Variants in COL24A1 observed in about 807,000 individuals in gnomAD.
COL24A1 encodes collagen type XXIV alpha 1 chain, also known as collagen alpha-1(XXIV) chain.
COL24A1 carries 224 observed loss-of-function variants against 253.9 expected under a neutral mutation model. That is an observed-to-expected ratio of 0.88 (90% CI 0.79 to 0.99). The LOEUF is 0.99. Ranked by LOEUF, COL24A1 falls within the 50% of genes least tolerant of loss-of-function variation. The pLI, the probability that COL24A1 is intolerant of heterozygous loss-of-function variation, is 0.00. For missense variants in COL24A1, 2,131 were observed against 2,068.5 expected (o/e 1.03, Z -0.59); for synonymous variants, 685 against 673.7 (o/e 1.02, Z -0.26).
intron 7 of COL24A1, among the ~76,000 whole-genome samples, chr1:86,074,805 G>A (rs1192177353): frequency 1.3e-5 from 2 of 151,982 alleles, no homozygotes; most frequent in Non-Finnish European, 2.9e-5. Context: ...ATGACTACTG[G>A]GTAAATAACA....
intron 7 of COL24A1, among the ~76,000 whole-genome samples, chr1:86,076,789 T>C (rs1702284843): frequency 6.6e-6 from 1 of 152,216 alleles, no homozygotes; most frequent in Admixed American, 6.5e-5. Context: ...TGGCTAGCCA[T>C]ATGCAGAAAT....
intron 39 of COL24A1, among the ~76,000 whole-genome samples, chr1:85,844,983 A>G (rs536327475): frequency 9.9e-5 from 15 of 152,030 alleles, no homozygotes; most frequent in Non-Finnish European, 8.8e-5. Flanking sequence ...CCTAAATCCA[A>G]TCAATGATAG....
Position 86,110,564 on chromosome 1 carries a change from G to C in COL24A1, c.1599+2003C>G, listed in dbSNP as rs1393174777. ...GCTTGCGGGGAGGTGTGGAGGGAGA[G>C]GCGCAGGCAGGAACTGGGGCTGCGT... On this transcript the variant is annotated intron_variant, in intron 5 of 59. Coordinates refer to ENST00000370571, the MANE Select transcript of COL24A1 (RefSeq NM_152890.7). Among the ~76,000 whole-genome samples the C allele has an allele frequency of 2.0e-5, 3 of 152,044 alleles. No individual in the cohort carries two copies. The East Asian group carries it at 5.9e-4, about 30-fold the overall frequency.
chr1:86,107,237 T>G (rs1244469736), intron 5 of COL24A1, among the ~76,000 whole-genome samples: 2 of 152,198 alleles, frequency 1.3e-5, no homozygotes, highest in Non-Finnish European at 2.9e-5. Context: ...GTTACCTTGG[T>G]TAAGCGCTTA....
chr1:85,759,465 T>G (rs1430881063), intron 55 of COL24A1, among the ~76,000 whole-genome samples: 1 of 152,170 alleles, frequency 6.6e-6, no homozygotes, highest in African/African-American at 2.4e-5. Flanking sequence ...TGTCTTATTG[T>G]CATTTAGATG....
At chr1:85,965,980 T>A (rs1329474794) in intron 22 of COL24A1, among the ~76,000 whole-genome samples, 1 of 152,110 alleles carries the variant, frequency 6.6e-6, no homozygotes, top group East Asian at 1.9e-4. Context: ...CAGACAACTT[T>A]AAGGAGAAAA....
intron 32 of COL24A1, among the ~76,000 whole-genome samples, chr1:85,886,060 A>T (rs897049989): frequency 6.6e-6 from 1 of 151,358 alleles, no homozygotes; most frequent in African/African-American, 2.4e-5. Flanking sequence ...TGTTCCACAC[A>T]CAATAACTTT....
At chr1:86,120,130 C>T (rs970509059) in intron 3 of COL24A1, among the ~76,000 whole-genome samples, 1 of 152,130 alleles carries the variant, frequency 6.6e-6, no homozygotes, top group African/African-American at 2.4e-5. Flanking sequence ...ACACCTTATA[C>T]AAAAATTAAT....
intron 31 of COL24A1, among the ~76,000 whole-genome samples, chr1:85,891,681 A>C (rs72952585): frequency 2.0e-5 from 3 of 152,152 alleles, no homozygotes; most frequent in Non-Finnish European, 2.9e-5. Context: ...CATTATAAGG[A>C]ATCTCTCTGT....
In COL24A1 at chr1:86,125,166, A is replaced by C. The variant is rs759097870; in HGVS notation, c.1170T>G (p.Phe390Leu). ...GTGGAAGAATAGATGGCATCTTCTT[A>C]AACAGTGACAGACCAGTTACTCTAT... is the stretch of plus-strand genomic sequence containing the variant. ...HDDRVTGLSL[F>L]KKMPSILPQI... Residue 390 changes from phenylalanine to leucine, a missense_variant, in exon 3 of 60, where the codon TTT (phenylalanine) becomes TTG (leucine). Physicochemically the swap from Phe to Leu is conservative, Grantham distance 22. Coordinates refer to ENST00000370571, the MANE Select transcript of COL24A1 (RefSeq NM_152890.7). 1.2e-6 allele frequency: 2 copies of C among 1,613,478 alleles called. No homozygotes were observed. Among genetic ancestry groups the C allele is most frequent in the South Asian group, 2.2e-5 (2 of 91,070 alleles).
chr1:86,019,176 T>A (rs1697257903), intron 18 of COL24A1, among the ~76,000 whole-genome samples: 1 of 152,186 alleles, frequency 6.6e-6, no homozygotes, highest in Non-Finnish European at 1.5e-5. Flanking sequence ...TAATAACTGA[T>A]TCTGCATAAG....
rs1558752713 is a variant in COL24A1 at position 85,945,019 on chromosome 1, T to TTTTGTTTG, written c.2562+16229_2562+16230insCAAACAAA. On this transcript the variant is annotated intron_variant, in intron 24 of 59. Coordinates refer to ENST00000370571, the MANE Select transcript of COL24A1 (RefSeq NM_152890.7). ...ATCATTGTGTTTTTTTTTTTTTTTTTTTTTTTTTTTTTTTTTGAGACAGAG... is the reference window on the plus strand; with the variant it reads ...ATCATTGTGTTTTTTTTTTTTTTTTTTTTGTTTGTTTTTTTTTTTTTTTTGAGACAGAG... Among the ~76,000 whole-genome samples the TTTTGTTTG allele has an allele frequency of 1.8e-3, 134 of 73,374 alleles. 5 individuals carry two copies. The highest frequency in any genetic ancestry group is 5.0e-3 in the African/African-American group (110 of 22,024). The allele number at this position is 73,374 out of a possible 152,430, so 48.1% of individuals were successfully genotyped here.
At chr1:86,008,400 A>C (rs1696166270) in intron 19 of COL24A1, among the ~76,000 whole-genome samples, 1 of 152,064 alleles carries the variant, frequency 6.6e-6, no homozygotes, top group Admixed American at 6.6e-5. Flanking sequence ...GCACACCACC[A>C]TGCCAGGCTA....
intron 59 of COL24A1, among the ~76,000 whole-genome samples, chr1:85,731,317 A>G (rs1663449768): frequency 6.6e-6 from 1 of 152,212 alleles, no homozygotes; most frequent in East Asian, 1.9e-4. Flanking sequence ...CACAATAGAG[A>G]AAAACAATTG....
intron 9 of COL24A1, among the ~76,000 whole-genome samples, chr1:86,058,842 G>T (rs1466912908): frequency 6.6e-6 from 1 of 151,832 alleles, no homozygotes; most frequent in Non-Finnish European, 1.5e-5. Context: ...ATCACAATCA[G>T]GACTGTTTTA....
chr1:85,760,490 G>A (rs1379241596), intron 55 of COL24A1, among the ~76,000 whole-genome samples: 4 of 152,068 alleles, frequency 2.6e-5, no homozygotes, highest in Admixed American at 2.6e-4. Flanking sequence ...CACTTTGCCT[G>A]GAAGTTATTC....
At chr1:85,916,658 C>G (rs911583357) in intron 24 of COL24A1, among the ~76,000 whole-genome samples, 6 of 152,118 alleles carry the variant, frequency 3.9e-5, no homozygotes, top group African/African-American at 1.4e-4. Flanking sequence ...AAGACCCTGT[C>G]TCCAAAATAC....
chr1:86,066,565 C>T (rs1413186549), intron 7 of COL24A1, among the ~76,000 whole-genome samples: 2 of 151,900 alleles, frequency 1.3e-5, no homozygotes, highest in African/African-American at 4.8e-5. Flanking sequence ...AGTCCCCTTT[C>T]TACGCAATCC....
At chr1:85,798,785 C>A (rs1256826221) in intron 47 of COL24A1, among the ~76,000 whole-genome samples, 1 of 152,146 alleles carries the variant, frequency 6.6e-6, no homozygotes, top group Non-Finnish European at 1.5e-5. Flanking sequence ...TGGAAAACTG[C>A]AAAGTCAAGA....
Sources: allele counts gnomAD v4.1 joint callset (sites outside exome capture counted in the v4.1 genomes callset), GRCh38; gene constraint gnomAD v4.1.1; transcripts MANE v1.5; gene names NCBI Gene and HGNC (gene_info 2026-07-23, HGNC 2026-07-21).